The following ADPRHL1 variants were observed in gnomAD, a reference collection of about 807,000 sequenced individuals.
The protein encoded by ADPRHL1 is ADP-ribosylhydrolase like 1.
Under a neutral mutation model 44.1 loss-of-function variants are expected in ADPRHL1, and 43 were observed. That is an observed-to-expected ratio of 0.98 (90% CI 0.76 to 1.26). ADPRHL1 has a LOEUF of 1.26. Among genes scored for constraint, ADPRHL1 ranks in the 50% most tolerant of loss-of-function variants. ADPRHL1 has a pLI of 0.00. For synonymous variants in ADPRHL1, 878 were observed against 1,017.4 expected (o/e 0.86, Z 2.61); for missense variants, 2,022 against 2,496.9 (o/e 0.81, Z 4.05).
intron 1 of ADPRHL1, among the ~76,000 whole-genome samples, chr13:113,450,961 C>CCCG (rs1555328355): frequency 1.3e-5 from 2 of 150,764 alleles, no homozygotes; most frequent in African/African-American, 4.9e-5. Context: ...GACCCCCCCC[C>CCCG]CCTTCCTGGT....
chr13:113,444,967 C>G (rs918248516), intron 1 of ADPRHL1, among the ~76,000 whole-genome samples: 4 of 152,188 alleles, frequency 2.6e-5, no homozygotes, highest in Admixed American at 6.5e-5. Flanking sequence ...TGGCCACAAA[C>G]AGAACCGAAA....
At chr13:113,411,851 C>T (rs896539330) in intron 7 of ADPRHL1, among the ~76,000 whole-genome samples, 2 of 152,226 alleles carry the variant, frequency 1.3e-5, no homozygotes, top group Non-Finnish European at 2.9e-5. Context: ...TCATCATTAA[C>T]CAAGTTCCTC....
In ADPRHL1 at chr13:113,406,115, G is replaced by C; in HGVS notation, c.3167C>G (p.Thr1056Ser). Residue 1056 changes from threonine to serine, a missense_variant, in exon 8 of 8, where the codon ACC becomes AGC. Thr to Ser is a moderately conservative substitution (Grantham distance 58). This residue lies in a region of ADPRHL1 where 1,221 missense variants were observed against 1,517.8 expected (regional missense o/e 0.80). Transcript: ENST00000612156. ...SKGRTGPEGV[T>S]PMGMTVPGAL... Reference sequence around the variant, plus strand: ...ACCGGGCACTGTCATGCCCATCGGGGTGACACCCTCAGGCCCCGTACGCCC... The same window carrying C: ...ACCGGGCACTGTCATGCCCATCGGGCTGACACCCTCAGGCCCCGTACGCCC... 3.2e-5 allele frequency: 40 copies of C among 1,232,154 alleles called. No homozygotes were observed. Among genetic ancestry groups the C allele is most frequent in the Non-Finnish European group, 3.8e-5 (38 of 987,994 alleles). The allele number at this position is 1,232,154 out of a possible 1,614,324, so 76.3% of individuals were successfully genotyped here.
Position 113,406,972 on chromosome 13 carries a change from T to C in ADPRHL1, c.2310A>G (p.Pro770=). ...CAGGGCCCTCCCCTGCACACTCGCC[T>C]GGGGGCCCAGGAGGCCACGTGAGCC... ...GARLTWPPGP[P]GECAGEGPEI... Residue 770 remains proline, a synonymous_variant, in exon 8 of 8, where the codon CCA becomes CCG. Coordinates refer to ENST00000612156, the MANE Select transcript of ADPRHL1 (RefSeq NM_001394807.1). 1 of 1,232,226 alleles carries C rather than the reference T, an allele frequency of 8.1e-7. No homozygotes were observed. Among genetic ancestry groups the C allele is most frequent in the Non-Finnish European group, 1.0e-6 (1 of 988,090 alleles). 76.3% of individuals were successfully genotyped at this position (1,232,226 alleles called of 1,614,324 possible). A position where few individuals can be genotyped will look rare whatever the true frequency, so the allele number is the denominator to read the frequency against.
Position 113,453,410 on chromosome 13 carries a change from G to T in ADPRHL1, c.28C>A (p.Leu10Met). The part of the protein sequence containing the change: MEKFKAAML[L>M]GSVGDALGYR... ...CCAAGAGCATCGCCGACGCTCCCCAGCAACATCGCAGCCTTAAATTTCTCC... is the reference window on the plus strand; with the variant it reads ...CCAAGAGCATCGCCGACGCTCCCCATCAACATCGCAGCCTTAAATTTCTCC... The change falls in exon 1 of 8, where the codon CTG becomes ATG. Residue 10 changes from leucine to methionine, a missense_variant. Leu to Met is a conservative substitution (Grantham distance 15). Transcript: ENST00000612156. The surrounding 1 kb of genome is among the most constrained non-coding windows in gnomAD (Gnocchi z 5.4). The T allele has an allele frequency of 6.2e-7, 1 of 1,614,130 alleles. No homozygotes were observed. Among genetic ancestry groups the T allele is most frequent in the Non-Finnish European group, 8.5e-7 (1 of 1,180,036 alleles).
chr13:113,409,024 C>T lies in ADPRHL1; in HGVS notation c.1062-804G>A, dbSNP rs1156425096. On this transcript the variant is annotated intron_variant, in intron 7 of 7. Transcript: ENST00000612156. This position sits in a 1 kb window ranked among gnomAD's most constrained non-coding sequence, Gnocchi z 4.2. ...GATCACTTGGCTGGGTCTCCGGAAC[C>T]CCTTTCAAAATGGCTTAGAGGAGCC... Among the ~76,000 whole-genome samples, 1 of 152,168 alleles carries T rather than the reference C, an allele frequency of 6.6e-6. No individual in the cohort carries two copies. The highest frequency in any genetic ancestry group is 1.5e-5 in the Non-Finnish European group (1 of 68,028).
intron 3 of ADPRHL1, 96 bp downstream of exon 3, chr13:113,433,646 C>A: frequency 6.9e-7 from 1 of 1,440,816 alleles, no homozygotes; most frequent in Non-Finnish European, 9.2e-7. Context: ...AGCTCCAGGC[C>A]CCCGCCCCCC....
chr13:113,400,028 G>A lies in ADPRHL1; in HGVS notation c.*3350C>T, dbSNP rs540588792. On this transcript the variant is annotated 3_prime_UTR_variant, in exon 8 of 8. Transcript: ENST00000612156. ...GCTCACAGTGGGCCTGTCGACAGCC[G>A]GAGGCACCGTAAAAAACTGCAGGGA... is the stretch of plus-strand genomic sequence containing the variant. 8 of 151,960 alleles carry A rather than the reference G, an allele frequency of 5.3e-5. No individual in the cohort carries two copies. Among genetic ancestry groups the A allele is most frequent in the East Asian group, 1.9e-4 (1 of 5,188 alleles). The allele number at this position is 151,960 out of a possible 1,614,324, so 9.4% of individuals were successfully genotyped here. A position where few individuals can be genotyped will look rare whatever the true frequency, so the allele number is the denominator to read the frequency against.
In ADPRHL1 at chr13:113,402,354, C is replaced by T. The variant is rs190469415; in HGVS notation, c.*1024G>A. The T allele has an allele frequency of 1.3e-5, 2 of 152,348 alleles. No homozygotes were observed. The highest frequency in any genetic ancestry group is 2.9e-5 in the Non-Finnish European group (2 of 68,052). The allele number at this position is 152,348 out of a possible 1,614,324, so 9.4% of individuals were successfully genotyped here. ...AAATAGTCCAGAGTAGCAACAAAAA[C>T]CATCTCGAGGCAATGTGACCACAGG... On this transcript the variant is annotated 3_prime_UTR_variant, in exon 8 of 8. Coordinates refer to ENST00000612156, the MANE Select transcript of ADPRHL1 (RefSeq NM_001394807.1).
intron 1 of ADPRHL1, chr13:113,448,936 C>T: frequency 2.0e-6 from 2 of 985,482 alleles, no homozygotes; most frequent in Non-Finnish European, 2.4e-6. Context: ...AGCTGCATAC[C>T]CGAGCAATGG....
chr13:113,450,291 CTT>C (rs1315665170), intron 1 of ADPRHL1, among the ~76,000 whole-genome samples: 1 of 152,142 alleles, frequency 6.6e-6, no homozygotes, highest in Non-Finnish European at 1.5e-5. Flanking sequence ...CAAAGATAAA[CTT>C]AAGTGAAATT....
At chr13:113,426,310 C>T (rs2043967788) in intron 4 of ADPRHL1, among the ~76,000 whole-genome samples, 1 of 152,240 alleles carries the variant, frequency 6.6e-6, no homozygotes. Context: ...CCCTGCCCGC[C>T]ACACCCCACC....
At position 113,405,427 on chromosome 13, in the gene ADPRHL1, G is replaced by GC; in HGVS notation, c.3854dup (p.Leu1286ProfsTer7). ...GGTTCTCAGGAGGCGACGGCGGGAGGCCAGGGCCATAGCTGGGGGACTCTG... is the reference window on the plus strand; with the variant it reads ...GGTTCTCAGGAGGCGACGGCGGGAGGCCCAGGGCCATAGCTGGGGGACTCTG... On this transcript the variant is annotated frameshift_variant, in exon 8 of 8. Transcript: ENST00000612156. LOFTEE classifies it low-confidence loss of function (END_TRUNC). The GC allele has an allele frequency of 8.1e-7, 1 of 1,232,020 alleles. No homozygotes were observed. Among genetic ancestry groups the GC allele is most frequent in the Non-Finnish European group, 1.0e-6 (1 of 988,196 alleles). The allele number at this position is 1,232,020 out of a possible 1,614,324, so 76.3% of individuals were successfully genotyped here. A position where few individuals can be genotyped will look rare whatever the true frequency, so the allele number is the denominator to read the frequency against.
chr13:113,408,466 C>T (rs1040030312), intron 7 of ADPRHL1, among the ~76,000 whole-genome samples: 10 of 152,166 alleles, frequency 6.6e-5, no homozygotes, highest in African/African-American at 2.2e-4. Flanking sequence ...TTCTGACACA[C>T]GCTCCTCCTA....
intron 3 of ADPRHL1, among the ~76,000 whole-genome samples, chr13:113,432,039 G>A (rs2139630929): frequency 6.6e-6 from 1 of 152,244 alleles, no homozygotes; most frequent in Admixed American, 6.5e-5. Context: ...TTTAAAATAT[G>A]AGTAGGAAAT....
rs903020992 is a variant in ADPRHL1, at chr13:113,406,639, A to C, written c.2643T>G (p.Asn881Lys). ...TCACGGTGGGAAATTCTGTGTGGGC[A>C]TTTTCAACCACATTCTCTCCTCCAC... ...CICGGENVVE[N>K]AHTEFPTVTE... Residue 881 changes from asparagine (N) to lysine (K), a missense_variant, in exon 8 of 8, where the codon AAT becomes AAG. By Grantham distance (94) the Asn-to-Lys change is moderately conservative. Coordinates refer to ENST00000612156, the MANE Select transcript of ADPRHL1 (RefSeq NM_001394807.1). 14 of 1,227,780 alleles carry C rather than the reference A, an allele frequency of 1.1e-5. No individual in the cohort carries two copies. The highest frequency in any genetic ancestry group is 1.4e-5 in the Non-Finnish European group (14 of 987,224). The allele number at this position is 1,227,780 out of a possible 1,614,324, so 76.1% of individuals were successfully genotyped here.
chr13:113,435,433 C>G (rs1595551196), intron 2 of ADPRHL1, among the ~76,000 whole-genome samples: 1 of 132,258 alleles, frequency 7.6e-6, no homozygotes, highest in African/African-American at 3.0e-5. Flanking sequence ...ACCCCGGGAC[C>G]CAGCACCCAG....
intron 7 of ADPRHL1, among the ~76,000 whole-genome samples, chr13:113,420,977 AC>A (rs1346857485): frequency 7.0e-5 from 3 of 42,812 alleles, no homozygotes; most frequent in South Asian, 2.0e-3. Flanking sequence ...GGACACGCCC[AC>A]CCCCCAGGAC....
chr13:113,453,400 A>G lies in ADPRHL1; in HGVS notation c.38T>C (p.Val13Ala), dbSNP rs1235007896. 1.2e-6 allele frequency: 2 copies of G among 1,613,978 alleles called. No homozygotes were observed. Among genetic ancestry groups the G allele is most frequent in the Non-Finnish European group, 8.5e-7 (1 of 1,180,030 alleles). ...ATTTCTGTAGCCAAGAGCATCGCCG[A>G]CGCTCCCCAGCAACATCGCAGCCTT... ...KFKAAMLLGSVGDALGYRNVC... is the reference protein window; with the variant it reads ...KFKAAMLLGSAGDALGYRNVC... The change falls in exon 1 of 8, where the codon GTC (valine) becomes GCC (alanine). Residue 13 changes from valine to alanine, a missense_variant. Physicochemically the swap from Val to Ala is moderately conservative, Grantham distance 64. This residue lies in a region of ADPRHL1 where 437 missense variants were observed against 430.7 expected (regional missense o/e 1.01). Coordinates refer to ENST00000612156, the MANE Select transcript of ADPRHL1 (RefSeq NM_001394807.1). The surrounding 1 kb of genome is among the most constrained non-coding windows in gnomAD (Gnocchi z 5.4).
Sources: gnomAD v4.1 joint callset for allele counts (sites outside exome capture counted in the v4.1 genomes callset) on GRCh38, gnomAD v4.1.1 for gene constraint, gnomAD v4.1.1 regional missense constraint, Gnocchi (gnomAD v3.1) non-coding constraint, MANE v1.5 for transcripts, NCBI Gene and HGNC (gene_info 2026-07-23, HGNC 2026-07-21) for gene names.